Variants in CLIP2 observed in about 807,000 individuals in gnomAD.
CLIP2 encodes the protein CAP-Gly domain-containing linker protein 2.
Under a neutral mutation model 111.7 loss-of-function variants are expected in CLIP2, and 41 were observed. The observed-to-expected ratio is 0.37, with a 90% CI of 0.29 to 0.48. CLIP2 has a LOEUF of 0.48. CLIP2 is among the 20% of genes least tolerant of loss of function. The probability of loss-of-function intolerance (pLI) is 0.99; values close to 1 mark genes in which losing one functional copy is unlikely to be tolerated. For missense variants in CLIP2, 1,160 were observed against 1,422.1 expected (o/e 0.82, Z 2.96); for synonymous variants, 660 against 644.2 (o/e 1.02, Z -0.37).
intron 2 of CLIP2, among the ~76,000 whole-genome samples, chr7:74,329,091 T>TG (rs1416705870): frequency 1.4e-5 from 2 of 145,686 alleles, no homozygotes; most frequent in Non-Finnish European, 3.0e-5. Flanking sequence ...TTTTTGGTTT[T>TG]TTTTTTTTTT....
chr7:74,359,834 G>T (rs1486234448), intron 6 of CLIP2, among the ~76,000 whole-genome samples: 14 of 152,192 alleles, frequency 9.2e-5, no homozygotes, highest in Admixed American at 8.5e-4. Context: ...CCCCTCCTTG[G>T]ATGCCAGGAT....
intron 11 of CLIP2, among the ~76,000 whole-genome samples, chr7:74,382,985 C>G (rs557591278): frequency 1.4e-5 from 2 of 147,432 alleles, no homozygotes; most frequent in African/African-American, 5.0e-5. Context: ...GAAGGTGAGG[C>G]GGGAGGATCT....
chr7:74,290,341 G>C (rs1408275079), intron 1 of CLIP2, among the ~76,000 whole-genome samples: 3 of 152,232 alleles, frequency 2.0e-5, no homozygotes, highest in Admixed American at 2.0e-4. Context: ...CTTCTCTCAG[G>C]GGGTGTCCCC....
intron 3 of CLIP2, 150 bp downstream of exon 3, chr7:74,339,154 T>C: frequency 4.4e-6 from 3 of 677,998 alleles, no homozygotes; most frequent in Non-Finnish European, 7.4e-6. Flanking sequence ...CCATTCCTTA[T>C]CAGGACCATA....
intron 13 of CLIP2, among the ~76,000 whole-genome samples, chr7:74,394,538 C>A (rs1419355416): frequency 6.6e-6 from 1 of 152,214 alleles, no homozygotes; most frequent in Non-Finnish European, 1.5e-5. Flanking sequence ...GCGTGGGCCA[C>A]CGCCCCGGGC....
At position 74,347,571 on chromosome 7, in the gene CLIP2, C is replaced by T. The variant is rs1317147724; in HGVS notation, c.679-6309C>T. 3.9e-5 allele frequency among the ~76,000 whole-genome samples: 6 copies of T among 151,986 alleles called. No individual in the cohort carries two copies. The East Asian group carries it at 5.9e-4, about 15-fold the overall frequency. ...GCGTGAGCCACCGCGTCCGGCCAAA[C>T]GCGCTGTACTCTAAGTCCCCCTTAC... On this transcript the variant is annotated intron_variant, in intron 3 of 16. Coordinates refer to ENST00000223398, the MANE Select transcript of CLIP2 (RefSeq NM_003388.5).
chr7:74,388,327 T>TCA (rs563936195), intron 12 of CLIP2, among the ~76,000 whole-genome samples: 1 of 151,176 alleles, frequency 6.6e-6, no homozygotes, highest in African/African-American at 2.4e-5. Flanking sequence ...TGAGACTCTA[T>TCA]CACACACACA....
intron 2 of CLIP2, among the ~76,000 whole-genome samples, chr7:74,332,237 C>A (rs1742346478): frequency 6.6e-6 from 1 of 151,834 alleles, no homozygotes; most frequent in South Asian, 2.1e-4. Flanking sequence ...CCATGCCAGG[C>A]CAATTTTTGT....
chr7:74,291,747 C>T (rs985959005), intron 1 of CLIP2, among the ~76,000 whole-genome samples: 8 of 152,132 alleles, frequency 5.3e-5, no homozygotes, highest in African/African-American at 1.9e-4. Flanking sequence ...ACCTGCTGTT[C>T]TCTGCCTCAC....
chr7:74,304,944 C>A (rs1788435287), intron 1 of CLIP2, among the ~76,000 whole-genome samples: 2 of 151,972 alleles, frequency 1.3e-5, no homozygotes, highest in Admixed American at 6.6e-5. Flanking sequence ...GACCCTGTCT[C>A]CAAAAATAAA....
At chr7:74,365,810 A>T (rs143604652) in intron 8 of CLIP2, among the ~76,000 whole-genome samples, 1 of 152,182 alleles carries the variant, frequency 6.6e-6, no homozygotes, top group East Asian at 1.9e-4. Flanking sequence ...GCTGGAGTAC[A>T]GTGGCACCAT....
chr7:74,394,171 A>G (rs782002682), intron 13 of CLIP2, among the ~76,000 whole-genome samples: 7 of 151,342 alleles, frequency 4.6e-5, no homozygotes, highest in Non-Finnish European at 8.8e-5. Context: ...ACAGCTGTCA[A>G]CAGCCTCCTT....
intron 1 of CLIP2, among the ~76,000 whole-genome samples, chr7:74,307,210 CT>C (rs1554727881): frequency 6.6e-6 from 1 of 152,220 alleles, no homozygotes. Context: ...CCTGCCAGCT[CT>C]TTGGTTTCCT....
chr7:74,365,023 G>GTGTGTGTGTGTGTGTGT (rs1790440546), intron 8 of CLIP2: 1 of 317,308 alleles, frequency 3.2e-6, no homozygotes, highest in Non-Finnish European at 6.3e-6. Flanking sequence ...GTGTGTGTGT[G>GTGTGTGTGTGTGTGTGT]TGTGTGTGTG....
At chr7:74,372,117 ATCTGT>A (rs1206684916) in intron 8 of CLIP2, among the ~76,000 whole-genome samples, 2 of 152,046 alleles carry the variant, frequency 1.3e-5, no homozygotes, top group Non-Finnish European at 2.9e-5. Context: ...CCCTTCCAAG[ATCTGT>A]TCTGTGAAAT....
intron 1 of CLIP2, among the ~76,000 whole-genome samples, chr7:74,304,538 G>A (rs1156578732): frequency 7.7e-5 from 11 of 143,204 alleles, no homozygotes; most frequent in African/African-American, 2.5e-4. Context: ...AAACCTGGGC[G>A]ACAGAGGGAG....
intron 7 of CLIP2, 36 bp downstream of exon 7, chr7:74,360,314 C>G: frequency 6.7e-7 from 1 of 1,494,370 alleles, no homozygotes. Flanking sequence ...GGCCCTGAGT[C>G]CCCTTAAGGA....
At chr7:74,349,468 GTGTATATATATATATATATATATATA>G (rs1305090503) in intron 3 of CLIP2, among the ~76,000 whole-genome samples, 659 of 61,776 alleles carry the variant, frequency 0.011, 30 homozygotes, top group South Asian at 0.026. Context: ...GTGTGTGTGT[GTGTATATATATATATATATATATATA>G]TATATATATA....
At position 74,318,628 on chromosome 7, in the gene CLIP2, G is replaced by A. The variant is rs771039551; in HGVS notation, c.121+961G>A. On this transcript the variant is annotated intron_variant, in intron 2 of 16. Coordinates refer to ENST00000223398, the MANE Select transcript of CLIP2 (RefSeq NM_003388.5). ...CTTGGGAGGCTAAGGCAGGAAAATCGTTTGAACTCAAGAGGAGGAGGTTGC... is the reference window on the plus strand; with the variant it reads ...CTTGGGAGGCTAAGGCAGGAAAATCATTTGAACTCAAGAGGAGGAGGTTGC... Among the ~76,000 whole-genome samples the A allele has an allele frequency of 2.6e-5, 4 of 152,102 alleles. No homozygotes were observed. The East Asian group carries it at 7.8e-4, about 29-fold the overall frequency.
Sources: allele counts gnomAD v4.1 joint callset (sites outside exome capture counted in the v4.1 genomes callset), GRCh38; gene constraint gnomAD v4.1.1; transcripts MANE v1.5; gene names NCBI Gene and HGNC (gene_info 2026-07-23, HGNC 2026-07-21).